TMEM192: variants seen among roughly 807,000 people sequenced by gnomAD.
TMEM192 encodes transmembrane protein 192.
In TMEM192, 20 loss-of-function variants were observed where a neutral mutation model predicts 26.7. The observed-to-expected ratio is 0.75, with a 90% CI of 0.53 to 1.09. The LOEUF (loss-of-function observed/expected upper bound fraction) is 1.09. Among genes scored for constraint, TMEM192 ranks in the 50% least tolerant of loss-of-function variants. The pLI is 0.00. For missense variants in TMEM192, 304 were observed against 322.6 expected, an observed-to-expected ratio of 0.94 and a Z score of 0.44; for synonymous variants, 124 against 121.0, an observed-to-expected ratio of 1.02 and a Z score of -0.16.
At position 165,102,777 on chromosome 4, in the gene TMEM192, G is replaced by A. The variant is rs1735066417; in HGVS notation, c.174+173C>T. On this transcript the variant is annotated intron_variant, in intron 2 of 5. Coordinates refer to ENST00000306480, the MANE Select transcript of TMEM192 (RefSeq NM_001100389.2). ...ATTATTTGAAGATATAAGTAAAAGTGTACGTACTTTTTTTTTTTTTTTTTT... is the reference window on the plus strand; with the variant it reads ...ATTATTTGAAGATATAAGTAAAAGTATACGTACTTTTTTTTTTTTTTTTTT... Among the ~76,000 whole-genome samples, 7 of 132,402 alleles carry A rather than the reference G, an allele frequency of 5.3e-5. No individual in the cohort carries two copies. The South Asian group carries it at 1.4e-3, about 27-fold the overall frequency. The allele number at this position is 132,402 out of a possible 152,430, so 86.9% of individuals were successfully genotyped here.
At chr4:165,101,046 G>C (rs1219579888) in intron 2 of TMEM192, among the ~76,000 whole-genome samples, 154 bp from the exon 3 acceptor site, 2 of 134,112 alleles carry the variant, frequency 1.5e-5, no homozygotes, top group Non-Finnish European at 3.1e-5. Context: ...GCGCAATCTC[G>C]GCTTACTGCA....
At chr4:165,081,531 C>G (rs777503794) in intron 5 of TMEM192, among the ~76,000 whole-genome samples, 318 of 14,210 alleles carry the variant, frequency 0.022, no homozygotes, top group South Asian at 0.052. Flanking sequence ...CTATAAGCGC[C>G]CATCATCACG....
chr4:165,085,964 G>T (rs1734605143), intron 4 of TMEM192, among the ~76,000 whole-genome samples: 1 of 152,166 alleles, frequency 6.6e-6, no homozygotes, highest in African/African-American at 2.4e-5. Flanking sequence ...CCTGCATGAA[G>T]TGGATGCTCC....
chr4:165,100,872 T>C lies in TMEM192; in HGVS notation c.195A>G (p.Ala65=). The change falls in exon 3 of 6, where the codon GCA becomes GCG. Residue 65 remains alanine (A), a synonymous_variant. Coordinates refer to ENST00000306480, the MANE Select transcript of TMEM192 (RefSeq NM_001100389.2). ...WFIHLVFVVL[A]FLTGVLCSYP... The stretch of plus-strand genomic sequence containing the variant: ...AAGAACAAAGCACACCTGTTAAAAA[T>C]GCTAAAACAACAAACACGAGCTGGG... 6.2e-7 allele frequency: 1 copy of C among 1,610,980 alleles called. No homozygotes were observed. Among genetic ancestry groups the C allele is most frequent in the Non-Finnish European group, 8.5e-7 (1 of 1,179,236 alleles).
chr4:165,103,238 T>TA (rs1735085402), intron 1 of TMEM192, 142 bp from the exon 2 acceptor site: 1 of 481,484 alleles, frequency 2.1e-6, no homozygotes, highest in African/African-American at 2.0e-5. Context: ...TCCAATTTTT[T>TA]AAAAATTAAT....
intron 3 of TMEM192, among the ~76,000 whole-genome samples, chr4:165,100,007 A>C (rs1240986131): frequency 6.6e-6 from 1 of 152,176 alleles, no homozygotes; most frequent in Non-Finnish European, 1.5e-5. Context: ...AATGTCAAAT[A>C]GCAACAGCAT....
intron 2 of TMEM192, among the ~76,000 whole-genome samples, chr4:165,102,258 C>T (rs1412046074): frequency 6.6e-6 from 1 of 152,186 alleles, no homozygotes; most frequent in East Asian, 1.9e-4. Context: ...CCTGTGTCAA[C>T]ATATGTAGAC....
chr4:165,090,868 C>A (rs1335355910), intron 3 of TMEM192, among the ~76,000 whole-genome samples: 1 of 134,126 alleles, frequency 7.5e-6, no homozygotes, highest in Non-Finnish European at 1.5e-5. Context: ...CGTGCCACTG[C>A]ACTCCAGACT....
intron 1 of TMEM192, among the ~76,000 whole-genome samples, chr4:165,111,104 AT>A (rs2110806414): frequency 1.3e-5 from 2 of 152,232 alleles, no homozygotes; most frequent in South Asian, 4.1e-4. Flanking sequence ...ATTTATTTTT[AT>A]TTTTGAGACA....
chr4:165,109,988 T>C (rs1411764855), intron 1 of TMEM192, among the ~76,000 whole-genome samples: 1 of 152,234 alleles, frequency 6.6e-6, no homozygotes, highest in Non-Finnish European at 1.5e-5. Flanking sequence ...TGGGTGTATC[T>C]TTTGTTTTTC....
chr4:165,073,344 A>G lies in TMEM192; in HGVS notation c.*6314T>C, dbSNP rs1734309477. On this transcript the variant is annotated 3_prime_UTR_variant, in exon 6 of 6. Transcript: ENST00000306480. ...GCTGTGCAGGATGTGCCTTGTTAAC[A>G]ATATGTTTGCAGGTGGTATGCTTGG... 1 of 152,274 alleles carries G rather than the reference A, an allele frequency of 6.6e-6. No individual in the cohort carries two copies. 9.4% of individuals were successfully genotyped at this position (152,274 alleles called of 1,614,324 possible). A position where few individuals can be genotyped will look rare whatever the true frequency, so the allele number is the denominator to read the frequency against.
At position 165,100,738 on chromosome 4, in the gene TMEM192, A is replaced by C; in HGVS notation, c.329T>G (p.Leu110Arg). 1 of 1,614,130 alleles carries C rather than the reference A, an allele frequency of 6.2e-7. No homozygotes were observed. Among genetic ancestry groups the C allele is most frequent in the Non-Finnish European group, 8.5e-7 (1 of 1,180,034 alleles). Residue 110 changes from leucine (L) to arginine (R), a missense_variant, in exon 3 of 6, where the codon CTT (leucine) becomes CGT (arginine). By Grantham distance (102) the Leu-to-Arg change is moderately radical. Coordinates refer to ENST00000306480, the MANE Select transcript of TMEM192 (RefSeq NM_001100389.2). ...KVILWILHLL[L>R]ECYIQYHHSK... ...GTGGTGATACTGGATGTAGCATTCAAGGAGTAAATGGAGAATCCACAAAAT... is the reference window on the plus strand; with the variant it reads ...GTGGTGATACTGGATGTAGCATTCACGGAGTAAATGGAGAATCCACAAAAT...
chr4:165,108,367 C>T (rs552588602), intron 1 of TMEM192, among the ~76,000 whole-genome samples: 15 of 152,140 alleles, frequency 9.9e-5, no homozygotes, highest in African/African-American at 3.1e-4. Flanking sequence ...GTGATCCGCT[C>T]GCCTCAGCCT....
At chr4:165,112,358 G>C (rs1183802239) in intron 1 of TMEM192, among the ~76,000 whole-genome samples, 1 of 152,164 alleles carries the variant, frequency 6.6e-6, no homozygotes, top group African/African-American at 2.4e-5. Context: ...GGAACCCATC[G>C]GCCCGGCTCC....
At chr4:165,107,024 CT>C (rs999025416) in intron 1 of TMEM192, among the ~76,000 whole-genome samples, 15 of 149,118 alleles carry the variant, frequency 1.0e-4, no homozygotes, top group Admixed American at 6.7e-4. Flanking sequence ...TTTTTTCTCT[CT>C]TTTTTTTTTC....
intron 1 of TMEM192, among the ~76,000 whole-genome samples, chr4:165,112,058 A>T (rs1735303759): frequency 6.6e-6 from 1 of 152,270 alleles, no homozygotes; most frequent in Non-Finnish European, 1.5e-5. Flanking sequence ...TACACGCTGT[A>T]AACTAGGCCA....
At chr4:165,102,855 A>G (rs1321540243) in intron 2 of TMEM192, 95 bp downstream of exon 2, 3 of 1,181,140 alleles carry the variant, frequency 2.5e-6, no homozygotes, top group African/African-American at 3.1e-5. Context: ...TACATTTTAA[A>G]TGTTGATAGA....
Position 165,085,768 on chromosome 4 carries a change from G to A in TMEM192, c.575-80C>T, listed in dbSNP as rs150217486. The A allele has an allele frequency of 2.9e-4, 308 of 1,051,892 alleles. 3 individuals carry two copies. Among genetic ancestry groups the A allele is most frequent in the Admixed American group, 1.6e-3 (73 of 45,510 alleles). 65.2% of individuals were successfully genotyped at this position (1,051,892 alleles called of 1,614,324 possible). A position where few individuals can be genotyped will look rare whatever the true frequency, so the allele number is the denominator to read the frequency against. On this transcript the variant is annotated intron_variant, in intron 4 of 5. Coordinates refer to ENST00000306480, the MANE Select transcript of TMEM192 (RefSeq NM_001100389.2). ...TTTTTTCAAATTATGCTAATTTGCCGTTCTTATTAACGTCCTTGAGTATTT... is the reference window on the plus strand; with the variant it reads ...TTTTTTCAAATTATGCTAATTTGCCATTCTTATTAACGTCCTTGAGTATTT...
Position 165,075,654 on chromosome 4 carries a change from C to T in TMEM192, c.*4004G>A, listed in dbSNP as rs1734360660. On this transcript the variant is annotated 3_prime_UTR_variant, in exon 6 of 6. Coordinates refer to ENST00000306480, the MANE Select transcript of TMEM192 (RefSeq NM_001100389.2). ...GCGTGATCTTGCCTCACTGCAACCT[C>T]CACCTGCTGGGTTCAAGCAATTCTC... 6.6e-6 allele frequency: 1 copy of T among 150,460 alleles called. No homozygotes were observed. The allele number at this position is 150,460 out of a possible 1,614,324, so 9.3% of individuals were successfully genotyped here.
Sources: gnomAD v4.1 joint callset for allele counts (sites outside exome capture counted in the v4.1 genomes callset) on GRCh38, gnomAD v4.1.1 for gene constraint, MANE v1.5 for transcripts, NCBI Gene and HGNC (gene_info 2026-07-23, HGNC 2026-07-21) for gene names.